Variants in PDZRN4 observed in about 807,000 individuals in gnomAD.
The protein encoded by PDZRN4 is PDZ domain containing ring finger 4.
Under a neutral mutation model 99.0 loss-of-function variants are expected in PDZRN4, and 70 were observed. That is an observed-to-expected ratio of 0.71 (90% CI 0.58 to 0.86). The LOEUF (loss-of-function observed/expected upper bound fraction) is 0.86, where lower values mean the gene tolerates loss of function less well. Ranked by LOEUF, PDZRN4 falls within the 40% of genes least tolerant of loss-of-function variation. The probability of loss-of-function intolerance (pLI) is 0.00; values close to 1 mark genes in which losing one functional copy is unlikely to be tolerated. For synonymous variants in PDZRN4, 551 were observed against 501.6 expected, an observed-to-expected ratio of 1.10 and a Z score of -1.32; for missense variants, 1,474 against 1,331.2, an observed-to-expected ratio of 1.11 and a Z score of -1.67.
Position 41,217,823 on chromosome 12 carries a change from TGCAGAGTTCC to T in PDZRN4, c.843+23638_843+23647del, listed in dbSNP as rs757332294. On this transcript the variant is annotated intron_variant, in intron 3 of 9. Coordinates refer to ENST00000402685, the MANE Select transcript of PDZRN4 (RefSeq NM_001164595.2). Reference sequence around the variant, plus strand: ...TACATTTTGGCCCTGTTTCCCAGTTTGCAGAGTTCCGCTCTGTGCTCCCAAGACCTTTCTA... The same window carrying T: ...TACATTTTGGCCCTGTTTCCCAGTTTGCTCTGTGCTCCCAAGACCTTTCTA... 4.7e-4 allele frequency among the ~76,000 whole-genome samples: 71 copies of T among 152,174 alleles called. 1 individual carries two copies. Among genetic ancestry groups the T allele is most frequent in the South Asian group, 2.1e-3 (10 of 4,824 alleles).
intron 5 of PDZRN4, among the ~76,000 whole-genome samples, chr12:41,550,911 G>T (rs1470313284): frequency 6.6e-6 from 1 of 152,032 alleles, no homozygotes; most frequent in Middle Eastern, 3.2e-3. Context: ...TGAAAAGGAG[G>T]ATATATACTC....
chr12:41,487,752 T>C (rs2120618436), intron 3 of PDZRN4, among the ~76,000 whole-genome samples: 1 of 152,298 alleles, frequency 6.6e-6, no homozygotes, highest in Admixed American at 6.5e-5. Flanking sequence ...AAAGCACAGA[T>C]TCTGTCACAC....
At chr12:41,438,732 AT>A (rs1395948287) in intron 3 of PDZRN4, among the ~76,000 whole-genome samples, 11 of 152,238 alleles carry the variant, frequency 7.2e-5, no homozygotes, top group African/African-American at 2.7e-4. Flanking sequence ...AGGAATACAA[AT>A]AAGAAAACTA....
chr12:41,570,863 CA>C (rs1939459303), intron 9 of PDZRN4, among the ~76,000 whole-genome samples: 1 of 151,972 alleles, frequency 6.6e-6, no homozygotes, highest in South Asian at 2.1e-4. Flanking sequence ...AGTATGTTTT[CA>C]ACAAATGAAG....
intron 3 of PDZRN4, among the ~76,000 whole-genome samples, chr12:41,445,938 A>G (rs550427082): frequency 1.9e-4 from 29 of 152,216 alleles, no homozygotes; most frequent in African/African-American, 6.3e-4. Context: ...AAAGTCATCA[A>G]TATAACCTGT....
chr12:41,527,657 T>G (rs966852906), intron 5 of PDZRN4, among the ~76,000 whole-genome samples: 5 of 152,216 alleles, frequency 3.3e-5, no homozygotes, highest in Non-Finnish European at 7.3e-5. Flanking sequence ...ATTTTCTTTA[T>G]AGCCAACCAC....
intron 3 of PDZRN4, among the ~76,000 whole-genome samples, chr12:41,378,296 G>A (rs1439190470): frequency 1.3e-5 from 2 of 152,014 alleles, no homozygotes; most frequent in East Asian, 1.9e-4. Flanking sequence ...ACTTGTTTAT[G>A]CTGAACCGTC....
At chr12:41,257,565 G>C (rs1200705046) in intron 3 of PDZRN4, among the ~76,000 whole-genome samples, 1 of 152,202 alleles carries the variant, frequency 6.6e-6, no homozygotes, top group African/African-American at 2.4e-5. Flanking sequence ...AAGAAGAAAA[G>C]AGTCTCCAAG....
intron 3 of PDZRN4, among the ~76,000 whole-genome samples, chr12:41,282,083 C>A (rs1043664858): frequency 3.3e-5 from 5 of 151,984 alleles, no homozygotes; most frequent in Non-Finnish European, 5.9e-5. Flanking sequence ...CTGGCAAATT[C>A]GATGAAGAGT....
chr12:41,532,677 G>A (rs887005277), intron 5 of PDZRN4, among the ~76,000 whole-genome samples: 18 of 151,996 alleles, frequency 1.2e-4, no homozygotes, highest in Admixed American at 1.0e-3. Flanking sequence ...TACAGACTTC[G>A]GAAATCCCAG....
chr12:41,556,066 T>C lies in PDZRN4; in HGVS notation c.1365+306T>C, dbSNP rs543448780. On this transcript the variant is annotated intron_variant, in intron 7 of 9. Transcript: ENST00000402685. ...TCTCATCCTAAGCTTTATTTCCTCA[T>C]CTTAAAAAAATGGTAATAATAACCT... is the stretch of plus-strand genomic sequence containing the variant. Among the ~76,000 whole-genome samples the C allele has an allele frequency of 2.0e-5, 3 of 152,290 alleles. No individual in the cohort carries two copies. The South Asian group carries it at 6.2e-4, about 32-fold the overall frequency.
At chr12:41,548,072 T>G (rs995651163) in intron 5 of PDZRN4, among the ~76,000 whole-genome samples, 4 of 152,256 alleles carry the variant, frequency 2.6e-5, no homozygotes, top group African/African-American at 7.2e-5. Flanking sequence ...CTTTAGCTTT[T>G]ACCCTTATGT....
intron 3 of PDZRN4, among the ~76,000 whole-genome samples, chr12:41,211,729 T>A (rs1950889847): frequency 6.6e-6 from 1 of 152,006 alleles, no homozygotes; most frequent in South Asian, 2.1e-4. Context: ...CAATTTAATT[T>A]GATGAGCTGT....
intron 3 of PDZRN4, among the ~76,000 whole-genome samples, chr12:41,452,772 A>T (rs1484250626): frequency 2.6e-5 from 4 of 152,184 alleles, no homozygotes; most frequent in Admixed American, 2.0e-4. Context: ...TGTGAACCTG[A>T]ATATCCATAG....
chr12:41,420,340 A>G (rs554304918), intron 3 of PDZRN4, among the ~76,000 whole-genome samples: 4 of 152,272 alleles, frequency 2.6e-5, no homozygotes, highest in Non-Finnish European at 5.9e-5. Flanking sequence ...TTCCTATTAG[A>G]AAACAAGCAA....
intron 3 of PDZRN4, among the ~76,000 whole-genome samples, chr12:41,203,571 A>C (rs1423903687): frequency 1.3e-5 from 2 of 151,996 alleles, no homozygotes; most frequent in Non-Finnish European, 2.9e-5. Flanking sequence ...ACAGGTATTA[A>C]TTCTTTGTAT....
At chr12:41,452,004 G>A (rs35366617) in intron 3 of PDZRN4, among the ~76,000 whole-genome samples, 14,578 of 152,064 alleles carry the variant, frequency 0.096, 684 homozygotes, top group Non-Finnish European at 0.11. Flanking sequence ...AGAGGGAAAA[G>A]CACTTACTAA....
At chr12:41,463,493 C>G (rs551239669) in intron 3 of PDZRN4, among the ~76,000 whole-genome samples, 11 of 151,858 alleles carry the variant, frequency 7.2e-5, no homozygotes, top group Middle Eastern at 3.4e-3. Flanking sequence ...TTTTTTCCCT[C>G]TACAGTATCT....
intron 5 of PDZRN4, among the ~76,000 whole-genome samples, chr12:41,546,385 T>C (rs1435434729): frequency 1.3e-5 from 2 of 152,190 alleles, no homozygotes; most frequent in Non-Finnish European, 2.9e-5. Flanking sequence ...TGAGTTGGTG[T>C]AGTGTATTCT....
Sources: allele counts gnomAD v4.1 joint callset (sites outside exome capture counted in the v4.1 genomes callset), GRCh38; gene constraint gnomAD v4.1.1; transcripts MANE v1.5; gene names NCBI Gene and HGNC (gene_info 2026-07-23, HGNC 2026-07-21).